The following GALK2 variants were observed in gnomAD, a reference collection of about 807,000 sequenced individuals.
GALK2 encodes the protein N-acetylgalactosamine kinase.
Under a neutral mutation model 52.4 loss-of-function variants are expected in GALK2, and 36 were observed. The observed-to-expected ratio is 0.69, with a 90% CI of 0.53 to 0.91. The LOEUF is 0.91. GALK2 is among the 40% of genes least tolerant of loss of function. GALK2 has a pLI of 0.00. For synonymous variants in GALK2, 176 were observed against 199.1 expected, an observed-to-expected ratio of 0.88 and a Z score of 0.98; for missense variants, 579 against 559.1, an observed-to-expected ratio of 1.04 and a Z score of -0.36.
chr15:49,344,402 T>G (rs141081062), intron 3 of GALK2: 17 of 152,356 alleles, frequency 1.1e-4, no homozygotes, highest in African/African-American at 4.1e-4. Flanking sequence ...AAGGTTACAC[T>G]GAATGTACAT....
At chr15:49,259,698 T>G (rs1287534313) in intron 5 of GALK2, among the ~76,000 whole-genome samples, 1 of 149,442 alleles carries the variant, frequency 6.7e-6, no homozygotes. Context: ...CATCTAGCAT[T>G]AGGTATATCT....
intron 3 of GALK2, among the ~76,000 whole-genome samples, chr15:49,354,705 C>G: frequency 6.6e-6 from 1 of 152,180 alleles, no homozygotes; most frequent in Non-Finnish European, 1.5e-5. Context: ...GTAAACAAAA[C>G]AGTCGGGAAG....
chr15:49,167,130 G>A (rs2084848373), upstream of GALK2, among the ~76,000 whole-genome samples: 1 of 152,106 alleles, frequency 6.6e-6, no homozygotes, highest in South Asian at 2.1e-4. Context: ...TTTTTGTTTA[G>A]TTTGCTATAA....
intron 8 of GALK2, among the ~76,000 whole-genome samples, chr15:49,315,175 C>T (rs565998303): frequency 4.0e-4 from 61 of 152,216 alleles, no homozygotes; most frequent in African/African-American, 1.3e-3. Context: ...AAGACTATGA[C>T]GTATATCCCG....
intron 9 of GALK2, 114 bp from the exon 10 acceptor site, chr15:49,327,838 C>A (rs2037783805): frequency 3.2e-6 from 3 of 945,604 alleles, no homozygotes; most frequent in Non-Finnish European, 4.6e-6. Context: ...CACCTAAAAA[C>A]CCCGCATGTA....
At chr15:49,178,609 C>A in intron 1 of GALK2, 1 of 228,486 alleles carries the variant, frequency 4.4e-6, no homozygotes, top group Admixed American at 4.5e-5. Context: ...CTTTTTTGGG[C>A]TGGGTGGGAT....
intron 3 of GALK2, among the ~76,000 whole-genome samples, chr15:49,232,659 T>C (rs1489628305): frequency 1.3e-5 from 2 of 152,206 alleles, no homozygotes; most frequent in African/African-American, 4.8e-5. Flanking sequence ...TGAACATAGG[T>C]TGTTAGAAGC....
intron 3 of GALK2, among the ~76,000 whole-genome samples, chr15:49,366,850 G>C (rs2045305821): frequency 6.6e-6 from 1 of 152,298 alleles, no homozygotes; most frequent in African/African-American, 2.4e-5. Context: ...TTAGTGGCTA[G>C]TGTTCTAATT....
chr15:49,261,179 T>A (rs1203409493), intron 5 of GALK2, among the ~76,000 whole-genome samples: 15 of 149,304 alleles, frequency 1.0e-4, no homozygotes, highest in Non-Finnish European at 1.8e-4. Flanking sequence ...TTTCATGATA[T>A]TGATTCTTCC....
chr15:49,288,173 G>T (rs2141801727), intron 7 of GALK2, among the ~76,000 whole-genome samples: 1 of 152,174 alleles, frequency 6.6e-6, no homozygotes, highest in East Asian at 1.9e-4. Flanking sequence ...CACACATTTG[G>T]GGCTTAAATG....
intron 5 of GALK2, among the ~76,000 whole-genome samples, chr15:49,251,629 T>C (rs1216363780): frequency 2.0e-5 from 3 of 152,204 alleles, no homozygotes; most frequent in African/African-American, 7.2e-5. Context: ...CTTGTTTGAC[T>C]GAAGCTTTAT....
intron 9 of GALK2, among the ~76,000 whole-genome samples, chr15:49,324,561 G>T (rs2037176878): frequency 6.6e-6 from 1 of 152,180 alleles, no homozygotes; most frequent in African/African-American, 2.4e-5. Flanking sequence ...AGACATGTGG[G>T]CATATTTTCT....
intron 6 of GALK2, among the ~76,000 whole-genome samples, chr15:49,282,452 A>C (rs1447974854): frequency 3.9e-5 from 6 of 152,002 alleles, no homozygotes; most frequent in South Asian, 2.1e-4. Flanking sequence ...CATTTTTATA[A>C]TCTCTTGTTG....
intron 8 of GALK2, among the ~76,000 whole-genome samples, chr15:49,305,412 A>G (rs1317254246): frequency 6.6e-6 from 1 of 152,314 alleles, no homozygotes; most frequent in South Asian, 2.1e-4. Context: ...TTTGAGGAAG[A>G]TGGTTTCTTG....
intron 9 of GALK2, among the ~76,000 whole-genome samples, chr15:49,326,424 G>A (rs891484664): frequency 1.3e-5 from 2 of 151,896 alleles, no homozygotes; most frequent in Non-Finnish European, 2.9e-5. Context: ...GCTAATTTTT[G>A]TATTTTTAGT....
Position 49,319,622 on chromosome 15 carries a change from A to G in GALK2, c.986A>G (p.Tyr329Cys). The change falls in exon 9 of 10, where the codon TAT becomes TGT. Residue 329 changes from tyrosine (Y) to cysteine (C), a missense_variant. By Grantham distance (194) the Tyr-to-Cys change is radical. Coordinates refer to ENST00000560031, the MANE Select transcript of GALK2 (RefSeq NM_002044.4). ...NTQDVLIFKLYQRAKHVYSEA... is the reference protein window; with the variant it reads ...NTQDVLIFKLCQRAKHVYSEA... The stretch of plus-strand genomic sequence containing the variant: ...TCCTCAGTGCTCATCTTCAAACTCT[A>G]TCAGCGGGCAAAGCATGTGTACAGC... The G allele has an allele frequency of 6.2e-7, 1 of 1,614,162 alleles. No homozygotes were observed. Among genetic ancestry groups the G allele is most frequent in the Non-Finnish European group, 8.5e-7 (1 of 1,180,034 alleles).
intron 4 of GALK2, among the ~76,000 whole-genome samples, chr15:49,237,468 T>G (rs979682392): frequency 1.4e-4 from 22 of 151,762 alleles, no homozygotes; most frequent in African/African-American, 5.3e-4. Flanking sequence ...TTTTGTTTTT[T>G]TGTTTTTGTT....
chr15:49,166,452 C>G (rs1253598135), upstream of GALK2, among the ~76,000 whole-genome samples: 3 of 152,150 alleles, frequency 2.0e-5, no homozygotes, highest in African/African-American at 4.8e-5. Flanking sequence ...GGTGCAGTAG[C>G]TCACGCCTGT....
At chr15:49,223,216 A>G (rs2089929845) in intron 3 of GALK2, 1 of 151,986 alleles carries the variant, frequency 6.6e-6, no homozygotes, top group Admixed American at 6.6e-5. Flanking sequence ...TTGTATTTCC[A>G]TGGTATCAGT....
Sources: allele counts gnomAD v4.1 joint callset (sites outside exome capture counted in the v4.1 genomes callset), GRCh38; gene constraint gnomAD v4.1.1; transcripts MANE v1.5; gene names NCBI Gene and HGNC (gene_info 2026-07-23, HGNC 2026-07-21).